Variants in GUCY1A1 observed in about 807,000 individuals in gnomAD.
The protein encoded by GUCY1A1 is guanylate cyclase 1 soluble subunit alpha 1, also known as guanylate cyclase soluble subunit alpha-1.
In GUCY1A1, 48 loss-of-function variants were observed where a neutral mutation model predicts 64.5. That is an observed-to-expected ratio of 0.74 (90% CI 0.59 to 0.95). The LOEUF (loss-of-function observed/expected upper bound fraction) is 0.95, where lower values mean the gene tolerates loss of function less well. GUCY1A1 is among the 40% of genes least tolerant of loss of function. GUCY1A1 has a pLI of 0.00. For synonymous variants in GUCY1A1, 308 were observed against 303.4 expected (o/e 1.02, Z -0.16); for missense variants, 804 against 825.3 (o/e 0.97, Z 0.32).
rs1488960375 is a variant in GUCY1A1, at chr4:155,707,854, C to T, written c.318-382C>T. 3.7e-5 allele frequency among the ~76,000 whole-genome samples: 4 copies of T among 108,558 alleles called. No individual in the cohort carries two copies. The East Asian group carries it at 9.3e-4, about 25-fold the overall frequency. The allele number at this position is 108,558 out of a possible 152,430, so 71.2% of individuals were successfully genotyped here. A position where few individuals can be genotyped will look rare whatever the true frequency, so the allele number is the denominator to read the frequency against. ...TTCTTTCTTTCTTTTTTTTTTGAGA[C>T]AGTTTCCCTGTGTTGGCCAGGCTAG... is the stretch of plus-strand genomic sequence containing the variant. On this transcript the variant is annotated intron_variant, in intron 4 of 9. Transcript: ENST00000506455.
intron 7 of GUCY1A1, among the ~76,000 whole-genome samples, chr4:155,714,033 A>G (rs1277990784): frequency 1.3e-5 from 2 of 152,206 alleles, no homozygotes; most frequent in African/African-American, 4.8e-5. Context: ...GAGGATTATA[A>G]AAATTGCCTT....
rs763286463 is a variant in GUCY1A1, at chr4:155,703,994, G to A, written c.317+1G>A. The stretch of plus-strand genomic sequence containing the variant: ...CAAAGCACAAAATAAAAGAAAGCAG[G>A]TAAGTCAAACCACTTTAGTTGTGTG... On this transcript the variant is annotated splice_donor_variant, in intron 4 of 9. Transcript: ENST00000506455. LOFTEE classifies it high-confidence loss of function. 6.3e-7 allele frequency: 1 copy of A among 1,595,906 alleles called. No homozygotes were observed. The highest frequency in any genetic ancestry group is 1.1e-5 in the South Asian group (1 of 89,808).
rs541422706 is a variant in GUCY1A1, at chr4:155,730,692, A to G, written c.*461A>G. The G allele has an allele frequency of 1.3e-5, 2 of 153,868 alleles. No homozygotes were observed. Among genetic ancestry groups the G allele is most frequent in the African/African-American group, 4.8e-5 (2 of 41,420 alleles). The allele number at this position is 153,868 out of a possible 1,614,324, so 9.5% of individuals were successfully genotyped here. A position where few individuals can be genotyped will look rare whatever the true frequency, so the allele number is the denominator to read the frequency against. ...AGTTCTTTCAAACTTTCAACTCTGC[A>G]TTTTATTGCATTTTCTCATTTAACT... On this transcript the variant is annotated 3_prime_UTR_variant, in exon 10 of 10. Transcript: ENST00000506455.
intron 3 of GUCY1A1, among the ~76,000 whole-genome samples, chr4:155,698,683 A>T (rs1028585350): frequency 6.6e-6 from 1 of 152,200 alleles, no homozygotes; most frequent in African/African-American, 2.4e-5. Context: ...CTCAACAACA[A>T]CAACAAAAAA....
rs1443970129 is a variant in GUCY1A1, at chr4:155,713,417, G to A, written c.1406G>A (p.Gly469Glu). The A allele has an allele frequency of 6.2e-7, 1 of 1,614,032 alleles. No individual in the cohort carries two copies. The highest frequency in any genetic ancestry group is 8.5e-7 in the Non-Finnish European group (1 of 1,180,018). The stretch of plus-strand genomic sequence containing the variant: ...GAGGTTGCTCAGCAGCTGTGGCAAG[G>A]GCAAGTTGTGCAAGCCAAGAAGTTC... ...PCEVAQQLWQ[G>E]QVVQAKKFSN... Residue 469 changes from glycine to glutamate, a missense_variant, in exon 7 of 10, where the codon GGG becomes GAG. By Grantham distance (98) the Gly-to-Glu change is moderately conservative. Transcript: ENST00000506455.
At chr4:155,690,985 A>G (rs890029709) in intron 2 of GUCY1A1, among the ~76,000 whole-genome samples, 1 of 152,230 alleles carries the variant, frequency 6.6e-6, no homozygotes, top group African/African-American at 2.4e-5. Context: ...CAGTAATACC[A>G]AAGAATCTAT....
chr4:155,705,548 A>AG (rs1276354910), intron 4 of GUCY1A1, among the ~76,000 whole-genome samples: 1 of 151,972 alleles, frequency 6.6e-6, no homozygotes, highest in Non-Finnish European at 1.5e-5. Flanking sequence ...TCAAAAAAAA[A>AG]AAAAAAAAAA....
At chr4:155,689,577 G>A (rs749554554) in intron 2 of GUCY1A1, among the ~76,000 whole-genome samples, 2 of 152,272 alleles carry the variant, frequency 1.3e-5, no homozygotes, top group Middle Eastern at 3.4e-3. Context: ...GAAACAAAAT[G>A]TGAATTTGAA....
chr4:155,667,761 G>T (rs1227130798), intron 2 of GUCY1A1: 2 of 151,504 alleles, frequency 1.3e-5, no homozygotes, highest in East Asian at 1.9e-4. Context: ...GGTCTCCCAC[G>T]GCCAGGGCGC....
Position 155,731,804 on chromosome 4 carries a change from G to T in GUCY1A1, c.*1573G>T, listed in dbSNP as rs1735579070. 1 of 151,842 alleles carries T rather than the reference G, an allele frequency of 6.6e-6. No individual in the cohort carries two copies. The highest frequency in any genetic ancestry group is 6.6e-5 in the Admixed American group (1 of 15,196). 9.4% of individuals were successfully genotyped at this position (151,842 alleles called of 1,614,324 possible). A position where few individuals can be genotyped will look rare whatever the true frequency, so the allele number is the denominator to read the frequency against. On this transcript the variant is annotated 3_prime_UTR_variant, in exon 10 of 10. Coordinates refer to ENST00000506455, the MANE Select transcript of GUCY1A1 (RefSeq NM_001130682.3). ...CAGGCTAGCCCATGGTGACATCAGG[G>T]ATATTCATTACTGATTGGCCTCTAG...
At chr4:155,672,453 T>C (rs954354580) in intron 2 of GUCY1A1, among the ~76,000 whole-genome samples, 1 of 152,200 alleles carries the variant, frequency 6.6e-6, no homozygotes, top group Non-Finnish European at 1.5e-5. Context: ...CTCTTTGAAG[T>C]TGACATTCCT....
chr4:155,699,224 C>G (rs1730786544), intron 3 of GUCY1A1, among the ~76,000 whole-genome samples: 1 of 152,036 alleles, frequency 6.6e-6, no homozygotes, highest in South Asian at 2.1e-4. Flanking sequence ...CACCAATTGG[C>G]TCAGCTAGAG....
chr4:155,692,259 G>A (rs1204774377), intron 2 of GUCY1A1, among the ~76,000 whole-genome samples: 1 of 152,110 alleles, frequency 6.6e-6, no homozygotes, highest in Non-Finnish European at 1.5e-5. Context: ...AAACATACGT[G>A]TGCATGTGTC....
chr4:155,685,603 GTTTTT>G (rs70954055), intron 2 of GUCY1A1, among the ~76,000 whole-genome samples: 3 of 108,856 alleles, frequency 2.8e-5, no homozygotes, highest in Admixed American at 1.2e-4. Flanking sequence ...TTCTCCTTGT[GTTTTT>G]TTTTTTTTTT....
chr4:155,677,153 T>C (rs1191671954), intron 2 of GUCY1A1, among the ~76,000 whole-genome samples: 2 of 152,184 alleles, frequency 1.3e-5, no homozygotes, highest in East Asian at 1.9e-4. Flanking sequence ...CTAATAAATA[T>C]TTTTGGCATA....
intron 2 of GUCY1A1, among the ~76,000 whole-genome samples, chr4:155,668,562 A>C (rs950922506): frequency 6.6e-6 from 1 of 152,230 alleles, no homozygotes; most frequent in East Asian, 1.9e-4. Flanking sequence ...GTCTTTGTAC[A>C]AACGTCAAAC....
chr4:155,710,825 G>A lies in GUCY1A1; in HGVS notation c.660G>A (p.Lys220=), dbSNP rs768484963. The A allele has an allele frequency of 2.5e-6, 4 of 1,614,062 alleles. No individual in the cohort carries two copies. The South Asian group carries it at 3.3e-5, about 13-fold the overall frequency. The change falls in exon 6 of 10, where the codon AAG becomes AAA. Residue 220 remains lysine (K), a synonymous_variant. Coordinates refer to ENST00000506455, the MANE Select transcript of GUCY1A1 (RefSeq NM_001130682.3). ...TTSLILPGII[K]AAAHVLYETE... ...CCCTGATTCTTCCCGGCATCATAAA[G>A]GCAGCTGCTCACGTATTATATGAAA...
intron 4 of GUCY1A1, among the ~76,000 whole-genome samples, chr4:155,707,902 G>A (rs1474606541): frequency 6.7e-6 from 1 of 150,362 alleles, no homozygotes; most frequent in African/African-American, 2.4e-5. Flanking sequence ...GCTGATCTCG[G>A]CTCACTGCTA....
chr4:155,722,338 C>T lies in GUCY1A1; in HGVS notation c.1871+146C>T, dbSNP rs1009711022. 7 of 1,436,054 alleles carry T rather than the reference C, an allele frequency of 4.9e-6. No individual in the cohort carries two copies. The African/African-American group carries it at 7.2e-5, about 15-fold the overall frequency. The allele number at this position is 1,436,054 out of a possible 1,614,324, so 89.0% of individuals were successfully genotyped here. ...AACGTGATAACTTTTATCATCCTCACTTTAACTTTTTTACACTGCTTATTA... is the reference window on the plus strand; with the variant it reads ...AACGTGATAACTTTTATCATCCTCATTTTAACTTTTTTACACTGCTTATTA... On this transcript the variant is annotated intron_variant, in intron 9 of 9. Transcript: ENST00000506455.
Sources: allele counts gnomAD v4.1 joint callset (sites outside exome capture counted in the v4.1 genomes callset), GRCh38; gene constraint gnomAD v4.1.1; transcripts MANE v1.5; gene names NCBI Gene and HGNC (gene_info 2026-07-23, HGNC 2026-07-21).